Variants in MSI2 observed in about 807,000 individuals in gnomAD.
The protein encoded by MSI2 is RNA-binding protein Musashi homolog 2.
MSI2 carries 17 observed loss-of-function variants against 45.6 expected under a neutral mutation model. That is an observed-to-expected ratio of 0.37 (90% CI 0.26 to 0.56). The LOEUF (loss-of-function observed/expected upper bound fraction) is 0.56. MSI2 is among the 20% of genes least tolerant of loss of function. The pLI is 0.77. For synonymous variants in MSI2, 156 were observed against 158.2 expected, an observed-to-expected ratio of 0.99 and a Z score of 0.11; for missense variants, 293 against 444.2, an observed-to-expected ratio of 0.66 and a Z score of 3.06.
chr17:57,563,212 C>A (rs1187212409), intron 7 of MSI2, among the ~76,000 whole-genome samples: 2 of 151,874 alleles, frequency 1.3e-5, no homozygotes, highest in African/African-American at 4.8e-5. Flanking sequence ...ATCCGTCACC[C>A]GAACAACATA....
intron 5 of MSI2, among the ~76,000 whole-genome samples, chr17:57,316,385 T>A (rs975340077): frequency 1.3e-5 from 2 of 150,994 alleles, no homozygotes; most frequent in Admixed American, 6.6e-5. Context: ...TGGAGTACAG[T>A]GGCATGATCA....
intron 6 of MSI2, among the ~76,000 whole-genome samples, chr17:57,477,783 C>T (rs1414431204): frequency 6.6e-6 from 1 of 152,180 alleles, no homozygotes; most frequent in Non-Finnish European, 1.5e-5. Context: ...AAAGCTTTCT[C>T]TTCTTAGATG....
intron 5 of MSI2, among the ~76,000 whole-genome samples, chr17:57,291,116 C>T (rs941507282): frequency 7.9e-5 from 12 of 152,122 alleles, no homozygotes; most frequent in Non-Finnish European, 1.0e-4. Context: ...TCAATTCTGC[C>T]GGCGAGAGCT....
At chr17:57,433,541 G>A (rs575881127) in intron 6 of MSI2, among the ~76,000 whole-genome samples, 26 of 152,174 alleles carry the variant, frequency 1.7e-4, no homozygotes, top group Admixed American at 7.2e-4. Flanking sequence ...ACTGCGAGAC[G>A]TAAATTCCTG....
At chr17:57,408,163 A>G (rs2084119026) in intron 6 of MSI2, among the ~76,000 whole-genome samples, 1 of 152,208 alleles carries the variant, frequency 6.6e-6, no homozygotes, top group Non-Finnish European at 1.5e-5. Context: ...TGAGCACCCT[A>G]ACGTTACTTC....
At chr17:57,586,868 T>G (rs1257921212) in intron 7 of MSI2, among the ~76,000 whole-genome samples, 4 of 147,876 alleles carry the variant, frequency 2.7e-5, no homozygotes, top group Non-Finnish European at 6.0e-5. Flanking sequence ...AAAAAAAAAG[T>G]TTCCCACTTC....
chr17:57,675,254 C>A, intron 12 of MSI2, 128 bp downstream of exon 12: 1 of 918,180 alleles, frequency 1.1e-6, no homozygotes, highest in Non-Finnish European at 1.7e-6. Flanking sequence ...ATCAACATCA[C>A]ACCAGCTCCT....
intron 5 of MSI2, among the ~76,000 whole-genome samples, chr17:57,276,477 T>A (rs1257154654): frequency 1.3e-5 from 2 of 152,262 alleles, no homozygotes; most frequent in African/African-American, 2.4e-5. Flanking sequence ...CGAATGTGGC[T>A]CCTTTTTGCT....
chr17:57,279,143 A>C (rs1363108573), intron 5 of MSI2: 1 of 152,270 alleles, frequency 6.6e-6, no homozygotes, highest in Non-Finnish European at 1.5e-5. Context: ...CACAGGCCGC[A>C]TATGGACACA....
Position 57,529,023 on chromosome 17 carries a change from T to C in MSI2, c.406-653T>C, listed in dbSNP as rs1416982761. Among the ~76,000 whole-genome samples, 1 of 152,208 alleles carries C rather than the reference T, an allele frequency of 6.6e-6. No homozygotes were observed. Among genetic ancestry groups the C allele is most frequent in the Non-Finnish European group, 1.5e-5 (1 of 68,046 alleles). ...GGTCAAGATAGTAGTATACATGATA[T>C]ACTAACCTGGAAATTGTTTGCCATA... On this transcript the variant is annotated intron_variant, in intron 6 of 13. Coordinates refer to ENST00000284073, the MANE Select transcript of MSI2 (RefSeq NM_138962.4). The surrounding 1 kb of genome is among the most constrained non-coding windows in gnomAD (Gnocchi z 5.3).
intron 5 of MSI2, among the ~76,000 whole-genome samples, chr17:57,377,016 G>T (rs2083510126): frequency 6.6e-6 from 1 of 151,998 alleles, no homozygotes; most frequent in South Asian, 2.1e-4. Context: ...CGCCTCCTGG[G>T]TTCATGCCAT....
intron 5 of MSI2, among the ~76,000 whole-genome samples, chr17:57,293,347 C>T (rs570930144): frequency 6.6e-6 from 1 of 151,974 alleles, no homozygotes; most frequent in Admixed American, 6.6e-5. Context: ...GCATGGGAGG[C>T]GGGGAGGCTC....
At chr17:57,522,743 C>T (rs1280329501) in intron 6 of MSI2, 2 of 152,206 alleles carry the variant, frequency 1.3e-5, no homozygotes, top group Non-Finnish European at 2.9e-5. Flanking sequence ...CCTGGTGGGG[C>T]TGGGATTAGA....
chr17:57,691,176 CTT>C, the MSI2 span, among the ~76,000 whole-genome samples: 1 of 112,206 alleles, frequency 8.9e-6, no homozygotes, highest in African/African-American at 2.8e-5. Context: ...ATCTCTCTCT[CTT>C]TCTCTCTCTC....
At chr17:57,503,848 G>A (rs1243412043) in intron 6 of MSI2, among the ~76,000 whole-genome samples, 1 of 152,194 alleles carries the variant, frequency 6.6e-6, no homozygotes, top group Non-Finnish European at 1.5e-5. Flanking sequence ...AGGTTCAAGC[G>A]ATTCTCCTGC....
At chr17:57,450,157 G>A (rs2084970585) in intron 6 of MSI2, 1 of 151,966 alleles carries the variant, frequency 6.6e-6, no homozygotes, top group Non-Finnish European at 1.5e-5. Context: ...GGGTAACAGG[G>A]TTTTCTTTCC....
At chr17:57,673,039 T>C (rs1336951262) in intron 11 of MSI2, among the ~76,000 whole-genome samples, 1 of 152,268 alleles carries the variant, frequency 6.6e-6, no homozygotes, top group Non-Finnish European at 1.5e-5. Context: ...ATTTCTCAGC[T>C]ACAGCTTCAG....
At chr17:57,471,393 C>A (rs1470831311) in intron 6 of MSI2, among the ~76,000 whole-genome samples, 1 of 150,704 alleles carries the variant, frequency 6.6e-6, no homozygotes, top group Admixed American at 6.6e-5. Flanking sequence ...TGGGTTCAAG[C>A]CATTCTCCTG....
At chr17:57,612,239 G>A (rs1476522443) in intron 8 of MSI2, among the ~76,000 whole-genome samples, 1 of 95,546 alleles carries the variant, frequency 1.0e-5, no homozygotes, top group East Asian at 2.6e-4. Context: ...GACAGTCAGA[G>A]CCTCTTCTTT....
Sources: allele counts gnomAD v4.1 joint callset (sites outside exome capture counted in the v4.1 genomes callset), GRCh38; gene constraint gnomAD v4.1.1; non-coding constraint Gnocchi (gnomAD v3.1); transcripts MANE v1.5; gene names NCBI Gene and HGNC (gene_info 2026-07-23, HGNC 2026-07-21).